The following KLF13 variants were observed in gnomAD, a reference collection of about 807,000 sequenced individuals.
KLF13 encodes the protein Krueppel-like factor 13.
Under a neutral mutation model 16.7 loss-of-function variants are expected in KLF13, and 8 were observed. The observed-to-expected ratio is 0.48, with a 90% CI of 0.28 to 0.87. The LOEUF (loss-of-function observed/expected upper bound fraction) is 0.87. Ranked by LOEUF, KLF13 falls within the 40% of genes least tolerant of loss-of-function variation. The pLI is 0.10. For missense variants in KLF13, 447 were observed against 452.2 expected (o/e 0.99, Z 0.10); for synonymous variants, 245 against 208.4 (o/e 1.18, Z -1.51).
chr15:31,366,234 C>A (rs2039469864), intron 1 of KLF13: 2 of 152,382 alleles, frequency 1.3e-5, no homozygotes, highest in Non-Finnish European at 2.9e-5. Flanking sequence ...TGGCTTAGCC[C>A]CTCTCCCAGC....
At chr15:31,428,676 C>T (rs998408847) in intron 1 of KLF13, among the ~76,000 whole-genome samples, 8 of 151,556 alleles carry the variant, frequency 5.3e-5, no homozygotes, top group Admixed American at 2.6e-4. Context: ...GGCGTGGTGG[C>T]GGGCGCCTGT....
intron 1 of KLF13, among the ~76,000 whole-genome samples, chr15:31,361,301 C>T (rs973262233): frequency 3.9e-5 from 6 of 152,090 alleles, no homozygotes; most frequent in South Asian, 2.1e-4. Context: ...TCTTTCTTCC[C>T]GGTGTAGCCT....
rs2039620172 is a variant in KLF13, at chr15:31,374,994, G to A, written c.*2695G>A. On this transcript the variant is annotated 3_prime_UTR_variant, in exon 2 of 2. Transcript: ENST00000307145. ...CTTAAAACAGAAATATGCAGGCGTT[G>A]GCTATTTTTGGCATAAGAGCGTGTC... 6.6e-6 allele frequency: 1 copy of A among 152,590 alleles called. No individual in the cohort carries two copies. The highest frequency in any genetic ancestry group is 6.5e-5 in the Admixed American group (1 of 15,278). 9.5% of individuals were successfully genotyped at this position (152,590 alleles called of 1,614,324 possible). A position where few individuals can be genotyped will look rare whatever the true frequency, so the allele number is the denominator to read the frequency against.
intron 1 of KLF13, among the ~76,000 whole-genome samples, chr15:31,347,021 C>T (rs2039133501): frequency 6.6e-6 from 1 of 152,168 alleles, no homozygotes; most frequent in Non-Finnish European, 1.5e-5. Flanking sequence ...TGCTGGCTCT[C>T]ATCGGGGCTG....
intron 1 of KLF13, among the ~76,000 whole-genome samples, chr15:31,429,181 G>A (rs181890326): frequency 1.4e-5 from 2 of 138,084 alleles, no homozygotes; most frequent in Non-Finnish European, 3.0e-5. Context: ...AGAGCAGCAG[G>A]GAAAGGACAG....
intron 2 of KLF13, among the ~76,000 whole-genome samples, chr15:31,402,317 G>C (rs1445540959): frequency 1.3e-5 from 2 of 152,220 alleles, no homozygotes; most frequent in Non-Finnish European, 2.9e-5. Context: ...GTTGGAAGGA[G>C]CTCTTGGCTG....
At chr15:31,343,462 AG>A (rs1452576435) in intron 1 of KLF13, among the ~76,000 whole-genome samples, 4 of 152,318 alleles carry the variant, frequency 2.6e-5, no homozygotes, top group Middle Eastern at 3.4e-3. Flanking sequence ...GAAGGAGACC[AG>A]CCTTCAGGCT....
intron 1 of KLF13, among the ~76,000 whole-genome samples, chr15:31,368,187 C>T (rs2039505845): frequency 2.0e-5 from 3 of 152,180 alleles, no homozygotes; most frequent in Non-Finnish European, 2.9e-5. Context: ...TTGGCTATAT[C>T]TTTTGGGGGA....
At chr15:31,362,766 CCT>C (rs1007515689) in intron 1 of KLF13, among the ~76,000 whole-genome samples, 12 of 152,142 alleles carry the variant, frequency 7.9e-5, no homozygotes, top group African/African-American at 2.7e-4. Flanking sequence ...TCCTAGGGAC[CCT>C]CTCTCTGCAC....
chr15:31,409,976 A>G (rs1338861160), intron 1 of KLF13, among the ~76,000 whole-genome samples: 1 of 152,188 alleles, frequency 6.6e-6, no homozygotes, highest in Non-Finnish European at 1.5e-5. Context: ...TACATAAAAT[A>G]AAGTCTATTT....
chr15:31,329,402 C>T (rs1304300835), intron 1 of KLF13, among the ~76,000 whole-genome samples: 4 of 151,844 alleles, frequency 2.6e-5, no homozygotes, highest in Non-Finnish European at 4.4e-5. Flanking sequence ...GGGCAGGATA[C>T]TTAATGTTTG....
At chr15:31,343,570 G>A (rs902641338) in intron 1 of KLF13, among the ~76,000 whole-genome samples, 1 of 152,240 alleles carries the variant, frequency 6.6e-6, no homozygotes, top group African/African-American at 2.4e-5. Context: ...CCCTGGCAGA[G>A]TCTGTGTGCC....
At chr15:31,397,247 G>C (rs994384205) in intron 2 of KLF13, among the ~76,000 whole-genome samples, 239 of 148,874 alleles carry the variant, frequency 1.6e-3, no homozygotes, top group Non-Finnish European at 3.2e-3. Context: ...GGGGTGGGGC[G>C]GGCAGGGCAG....
chr15:31,367,372 A>G (rs747574594), intron 1 of KLF13, among the ~76,000 whole-genome samples: 2 of 152,212 alleles, frequency 1.3e-5, no homozygotes, highest in African/African-American at 2.4e-5. Flanking sequence ...CCAGGCACCC[A>G]GTATGTGCCC....
At chr15:31,334,276 G>A (rs543073133) in intron 1 of KLF13, among the ~76,000 whole-genome samples, 2 of 152,298 alleles carry the variant, frequency 1.3e-5, no homozygotes, top group Admixed American at 1.3e-4. Flanking sequence ...CCTGAATGCC[G>A]GCCCTGTGGC....
At chr15:31,422,046 C>T (rs1238294222) in intron 1 of KLF13, among the ~76,000 whole-genome samples, 3 of 150,888 alleles carry the variant, frequency 2.0e-5, no homozygotes, top group South Asian at 2.1e-4. Flanking sequence ...ACCTGGGAGG[C>T]GGAGGTTGCA....
At chr15:31,346,467 A>G (rs2039119513) in intron 1 of KLF13, among the ~76,000 whole-genome samples, 1 of 152,122 alleles carries the variant, frequency 6.6e-6, no homozygotes, top group African/African-American at 2.4e-5. Flanking sequence ...CCACCCACAC[A>G]GCTGTGGAAA....
chr15:31,419,934 T>C (rs1271311224), intron 1 of KLF13, among the ~76,000 whole-genome samples: 10 of 151,966 alleles, frequency 6.6e-5, no homozygotes, highest in Non-Finnish European at 1.2e-4. Flanking sequence ...GTCTTGAAAA[T>C]AGCAAGAGAA....
chr15:31,339,295 G>A (rs1336948585), intron 1 of KLF13, among the ~76,000 whole-genome samples: 2 of 151,818 alleles, frequency 1.3e-5, no homozygotes, highest in East Asian at 1.9e-4. Context: ...ATACCAAAAT[G>A]TCTGACCTGG....
Sources: gnomAD v4.1 joint callset for allele counts (sites outside exome capture counted in the v4.1 genomes callset) on GRCh38, gnomAD v4.1.1 for gene constraint, MANE v1.5 for transcripts, NCBI Gene and HGNC (gene_info 2026-07-23, HGNC 2026-07-21) for gene names.